The following HS6ST2 variants were observed in gnomAD, a reference collection of about 807,000 sequenced individuals.
HS6ST2 encodes heparan-sulfate 6-O-sulfotransferase 2.
Under a neutral mutation model 33.0 loss-of-function variants are expected in HS6ST2, and 17 were observed. That is an observed-to-expected ratio of 0.52 (90% CI 0.35 to 0.77). The LOEUF (loss-of-function observed/expected upper bound fraction) is 0.77. Among genes scored for constraint, HS6ST2 ranks in the 30% least tolerant of loss-of-function variants. HS6ST2 has a pLI of 0.01. For missense variants in HS6ST2, 519 were observed against 551.7 expected, an observed-to-expected ratio of 0.94 and a Z score of 0.59; for synonymous variants, 248 against 237.1, an observed-to-expected ratio of 1.05 and a Z score of -0.42.
intron 2 of HS6ST2, among the ~76,000 whole-genome samples, chrX:132,894,105 A>T (rs1038695588): frequency 9.6e-6 from 1 of 104,655 alleles, no homozygotes; most frequent in Non-Finnish European, 1.9e-5. Flanking sequence ...ATCATGATAT[A>T]GTCATGATGG....
At chrX:132,780,907 C>T (rs1015438644) in intron 2 of HS6ST2, among the ~76,000 whole-genome samples, 1 of 111,553 alleles carries the variant, frequency 9.0e-6, no homozygotes, top group African/African-American at 3.3e-5. Context: ...GGATAAGGTG[C>T]CTTTGGGTTT....
chrX:132,952,419 T>C (rs1332140936), intron 2 of HS6ST2, among the ~76,000 whole-genome samples: 1 of 111,249 alleles, frequency 9.0e-6, no homozygotes, highest in African/African-American at 3.3e-5. Flanking sequence ...GACCACTGGC[T>C]GTAACAGTCC....
rs940990212 is a variant in HS6ST2, at chrX:132,889,594, A to T, written c.947+67214T>A. On this transcript the variant is annotated intron_variant, in intron 2 of 4. Transcript: ENST00000370833. ...GTTGAGGTCTTAGGAGTGGATCCAC[A>T]TACGAAAGTGTAAGGTTAAATATGT... Among the ~76,000 whole-genome samples, 8 of 111,541 alleles carry T rather than the reference A, an allele frequency of 7.2e-5. No individual in the cohort carries two copies. The Admixed American group carries it at 7.7e-4, about 11-fold the overall frequency.
intron 2 of HS6ST2, among the ~76,000 whole-genome samples, chrX:132,828,680 A>T (rs867254235): frequency 1.7e-4 from 7 of 41,121 alleles, no homozygotes; most frequent in Admixed American, 4.2e-4. Flanking sequence ...ATCATATTTT[A>T]TATATATATA....
intron 3 of HS6ST2, among the ~76,000 whole-genome samples, chrX:132,684,716 T>C (rs2064002426): frequency 1.1e-5 from 1 of 92,774 alleles, no homozygotes; most frequent in Admixed American, 1.1e-4. Flanking sequence ...AGCAGTGTTA[T>C]CTGCTGTCTA....
intron 2 of HS6ST2, among the ~76,000 whole-genome samples, chrX:132,864,150 A>G (rs1277984611): frequency 9.0e-6 from 1 of 110,676 alleles, no homozygotes; most frequent in Non-Finnish European, 1.9e-5. Flanking sequence ...AGGAAAAACC[A>G]TCACAAAACG....
At chrX:132,935,056 C>T (rs1330627736) in intron 2 of HS6ST2, among the ~76,000 whole-genome samples, 2 of 111,021 alleles carry the variant, frequency 1.8e-5, no homozygotes, top group Non-Finnish European at 3.8e-5. Flanking sequence ...ATCAAGAAAA[C>T]AAAACAATTA....
At chrX:132,741,426 A>AGTAGCTGGGACTACAGAT (rs61483456) in intron 2 of HS6ST2, among the ~76,000 whole-genome samples, 1 of 107,673 alleles carries the variant, frequency 9.3e-6, no homozygotes, top group East Asian at 2.9e-4. Flanking sequence ...CAGCATCCCA[A>AGTAGCTGGGACTACAGAT]GCACGCCACC....
chrX:132,692,951 G>A (rs1377634866), intron 3 of HS6ST2, among the ~76,000 whole-genome samples: 4 of 110,196 alleles, frequency 3.6e-5, no homozygotes, highest in South Asian at 7.9e-4. Context: ...TTTGTTGAAT[G>A]AGCCTGGATG....
chrX:132,653,532 T>C (rs1051520448), intron 4 of HS6ST2, among the ~76,000 whole-genome samples: 3 of 111,658 alleles, frequency 2.7e-5, no homozygotes, highest in Non-Finnish European at 3.8e-5. Context: ...GTTTGTACTT[T>C]AGTCAGCAAA....
intron 2 of HS6ST2, among the ~76,000 whole-genome samples, chrX:132,879,509 C>A (rs1210498674): frequency 9.0e-6 from 1 of 111,512 alleles, no homozygotes; most frequent in Non-Finnish European, 1.9e-5. Flanking sequence ...AAACTGACAC[C>A]CTCCTAGGAC....
At chrX:132,762,795 CT>C (rs1167864128) in intron 2 of HS6ST2, among the ~76,000 whole-genome samples, 1 of 111,549 alleles carries the variant, frequency 9.0e-6, no homozygotes, top group Non-Finnish European at 1.9e-5. Flanking sequence ...ACTCACTCTT[CT>C]TTTTTTTCCT....
chrX:132,804,638 A>T (rs1482575030), intron 2 of HS6ST2, among the ~76,000 whole-genome samples: 1 of 111,444 alleles, frequency 9.0e-6, no homozygotes, highest in East Asian at 2.8e-4. Flanking sequence ...CATTTCTACA[A>T]AATAAAAAAT....
intron 1 of HS6ST2, among the ~76,000 whole-genome samples, chrX:132,957,852 G>A (rs936648023): frequency 8.9e-6 from 1 of 111,995 alleles, no homozygotes; most frequent in African/African-American, 3.2e-5. Context: ...CCTTTTGCCG[G>A]CGCCCGCGCC....
At chrX:132,802,705 G>A (rs1335440511) in intron 2 of HS6ST2, among the ~76,000 whole-genome samples, 2 of 110,104 alleles carry the variant, frequency 1.8e-5, no homozygotes, top group Admixed American at 9.8e-5. Context: ...TCTGCCTCTC[G>A]TATTTTGCAT....
At chrX:132,938,196 G>A (rs1602903124) in intron 2 of HS6ST2, among the ~76,000 whole-genome samples, 2 of 104,443 alleles carry the variant, frequency 1.9e-5, no homozygotes, top group Non-Finnish European at 2.0e-5. Flanking sequence ...AAAATAAAGA[G>A]AAAAAAACAC....
intron 2 of HS6ST2, among the ~76,000 whole-genome samples, chrX:132,793,983 T>C (rs1378365670): frequency 5.3e-5 from 6 of 112,842 alleles, no homozygotes; most frequent in East Asian, 2.8e-4. Flanking sequence ...TTTGTAAAAT[T>C]AGCAATTTCA....
At chrX:132,651,299 G>C (rs1213348302) in intron 4 of HS6ST2, among the ~76,000 whole-genome samples, 1 of 111,908 alleles carries the variant, frequency 8.9e-6, no homozygotes, top group African/African-American at 3.3e-5. Context: ...GCAGATGCTG[G>C]GAGAAGGAAG....
intron 2 of HS6ST2, among the ~76,000 whole-genome samples, chrX:132,800,903 C>T (rs1276565488): frequency 9.0e-6 from 1 of 111,677 alleles, no homozygotes; most frequent in African/African-American, 3.3e-5. Context: ...AAGTGTTTGG[C>T]TGTTCCTCCT....
Sources: allele counts gnomAD v4.1 joint callset (sites outside exome capture counted in the v4.1 genomes callset), GRCh38; gene constraint gnomAD v4.1.1; transcripts MANE v1.5; gene names NCBI Gene and HGNC (gene_info 2026-07-23, HGNC 2026-07-21).